The following HTR2A variants were observed in gnomAD, a reference collection of about 807,000 sequenced individuals.
The protein encoded by HTR2A is 5-hydroxytryptamine receptor 2A, also known as 5-HT2 receptor.
A neutral mutation model predicts 31.0 loss-of-function variants in HTR2A; 14 were observed. That is an observed-to-expected ratio of 0.45 (90% confidence interval 0.30 to 0.71). The LOEUF is 0.71. HTR2A is among the 30% of genes least tolerant of loss of function. The pLI, the probability that HTR2A is intolerant of heterozygous loss-of-function variation, is 0.09. For missense variants in HTR2A, 442 were observed against 573.3 expected, an observed-to-expected ratio of 0.77 and a Z score of 2.34; for synonymous variants, 209 against 225.2, an observed-to-expected ratio of 0.93 and a Z score of 0.64.
intron 3 of HTR2A, among the ~76,000 whole-genome samples, chr13:46,874,670 C>T (rs1350468219): frequency 1.3e-5 from 2 of 152,244 alleles, no homozygotes; most frequent in Non-Finnish European, 2.9e-5. Flanking sequence ...CTTGCCATCA[C>T]TGGCATCTAA....
chr13:46,882,037 C>T (rs1950968748), intron 3 of HTR2A, among the ~76,000 whole-genome samples: 1 of 151,890 alleles, frequency 6.6e-6, no homozygotes, highest in Non-Finnish European at 1.5e-5. Context: ...TCACTTCATT[C>T]CATATAGAAT....
At chr13:46,881,609 C>A (rs1175337712) in intron 3 of HTR2A, among the ~76,000 whole-genome samples, 2 of 152,236 alleles carry the variant, frequency 1.3e-5, no homozygotes, top group African/African-American at 4.8e-5. Context: ...CTGGTAGATG[C>A]TAACTTACCA....
rs61339039 is a variant in HTR2A at position 46,865,081 on chromosome 13, A to G, written c.613+27309T>C. ...GATGTTAACATTAGCTTTACTGCCT[A>G]TGGGTTAACCATTCATGTCAACACT... On this transcript the variant is annotated intron_variant, in intron 3 of 3. Transcript: ENST00000542664. Among the ~76,000 whole-genome samples, 577 of 152,278 alleles carry G rather than the reference A, an allele frequency of 3.8e-3. 3 individuals carry two copies. The highest frequency in any genetic ancestry group is 0.013 in the African/African-American group (548 of 41,560).
chr13:46,885,863 C>A (rs773271231), intron 3 of HTR2A, among the ~76,000 whole-genome samples: 10 of 152,154 alleles, frequency 6.6e-5, no homozygotes, highest in Non-Finnish European at 1.2e-4. Flanking sequence ...TTTTATTGTC[C>A]ATTTCAAGTT....
intron 3 of HTR2A, among the ~76,000 whole-genome samples, chr13:46,839,783 GGT>G (rs914208339): frequency 6.6e-6 from 1 of 152,098 alleles, no homozygotes; most frequent in Non-Finnish European, 1.5e-5. Flanking sequence ...AGCTTTGGTT[GGT>G]GTCTTTCTTT....
intron 3 of HTR2A, among the ~76,000 whole-genome samples, chr13:46,879,697 T>C (rs1043554960): frequency 1.5e-4 from 23 of 152,250 alleles, no homozygotes; most frequent in Admixed American, 7.8e-4. Flanking sequence ...AAAAAGGACC[T>C]AAACAGAAAA....
chr13:46,875,238 T>C (rs369136110), intron 3 of HTR2A, among the ~76,000 whole-genome samples: 1 of 152,236 alleles, frequency 6.6e-6, no homozygotes, highest in Non-Finnish European at 1.5e-5. Flanking sequence ...GTTGTTCATC[T>C]GGGATTTTAA....
chr13:46,890,902 GA>G (rs1414775360), intron 3 of HTR2A, among the ~76,000 whole-genome samples: 3 of 152,102 alleles, frequency 2.0e-5, no homozygotes, highest in Non-Finnish European at 4.4e-5. Context: ...AATTAAATCA[GA>G]ATGTTCCCAG....
At chr13:46,858,766 G>GGGA (rs1950758116) in intron 3 of HTR2A, among the ~76,000 whole-genome samples, 1 of 152,178 alleles carries the variant, frequency 6.6e-6, no homozygotes, top group African/African-American at 2.4e-5. Flanking sequence ...GACTAAATGT[G>GGGA]GGAGGTGAGG....
chr13:46,834,929 C>A lies in HTR2A; in HGVS notation c.1324G>T (p.Asp442Tyr). The change falls in exon 4 of 4, where the codon GAC becomes TAC. Residue 442 changes from aspartate to tyrosine, a missense_variant. This residue lies in a region of HTR2A where 88 missense variants were observed against 83.1 expected (regional missense o/e 1.06). Coordinates refer to ENST00000542664, the MANE Select transcript of HTR2A (RefSeq NM_000621.5). Reference sequence around the variant, plus strand: ...TTTCCTAGAGCAACCATTGAGCAGTCATTATCTGTTGTCTTGGCATCTTGC... The same window carrying A: ...TTTCCTAGAGCAACCATTGAGCAGTAATTATCTGTTGTCTTGGCATCTTGC... ...SKQDAKTTDN[D>Y]CSMVALGKQH... The A allele has an allele frequency of 6.2e-7, 1 of 1,614,080 alleles. No individual in the cohort carries two copies. The highest frequency in any genetic ancestry group is 8.5e-7 in the Non-Finnish European group (1 of 1,179,962).
At chr13:46,884,993 C>A (rs1370464819) in intron 3 of HTR2A, among the ~76,000 whole-genome samples, 1 of 152,148 alleles carries the variant, frequency 6.6e-6, no homozygotes, top group African/African-American at 2.4e-5. Context: ...GAGGGCCATA[C>A]ATTCCAAGAC....
intron 3 of HTR2A, among the ~76,000 whole-genome samples, chr13:46,885,034 A>G (rs1950995727): frequency 6.6e-6 from 1 of 152,208 alleles, no homozygotes; most frequent in Non-Finnish European, 1.5e-5. Flanking sequence ...CAAGGATACT[A>G]AACTTGATAT....
intron 3 of HTR2A, among the ~76,000 whole-genome samples, chr13:46,853,164 T>A (rs756413947): frequency 3.3e-5 from 5 of 152,192 alleles, no homozygotes; most frequent in Non-Finnish European, 5.9e-5. Context: ...TAAGATGCCG[T>A]GATTAATATC....
intron 3 of HTR2A, among the ~76,000 whole-genome samples, chr13:46,863,630 G>GAAACAAAAAAA (rs1950796782): frequency 1.7e-5 from 1 of 59,254 alleles, no homozygotes; most frequent in Non-Finnish European, 2.9e-5. Context: ...CCCTCAAAAT[G>GAAACAAAAAAA]AAAAAAAAAA....
intron 3 of HTR2A, among the ~76,000 whole-genome samples, chr13:46,841,867 T>G (rs998344465): frequency 6.6e-6 from 1 of 152,142 alleles, no homozygotes; most frequent in African/African-American, 2.4e-5. Flanking sequence ...AGATTGACTT[T>G]CATCTACCAT....
At chr13:46,845,701 C>A (rs1593427617) in intron 3 of HTR2A, among the ~76,000 whole-genome samples, 1 of 148,484 alleles carries the variant, frequency 6.7e-6, no homozygotes, top group East Asian at 2.0e-4. Flanking sequence ...GAGATATAAG[C>A]AGAAAACTAG....
At chr13:46,855,657 G>A (rs1950730300) in intron 3 of HTR2A, among the ~76,000 whole-genome samples, 2 of 152,238 alleles carry the variant, frequency 1.3e-5, no homozygotes, top group African/African-American at 4.8e-5. Context: ...AGGTGGGATG[G>A]CCAGCAGGGC....
chr13:46,898,041 C>T (rs911075851), upstream of HTR2A, among the ~76,000 whole-genome samples: 13 of 152,154 alleles, frequency 8.5e-5, no homozygotes, highest in Admixed American at 6.5e-5. Flanking sequence ...GATCCCACTT[C>T]GTCTCCGGTG....
In HTR2A at chr13:46,832,511, A is replaced by T. The variant is rs1297361399; in HGVS notation, c.*2326T>A. 6.6e-6 allele frequency: 1 copy of T among 152,228 alleles called. No individual in the cohort carries two copies. The highest frequency in any genetic ancestry group is 1.5e-5 in the Non-Finnish European group (1 of 68,010). 9.4% of individuals were successfully genotyped at this position (152,228 alleles called of 1,614,324 possible). The stretch of plus-strand genomic sequence containing the variant: ...TTAATGTACATTCTGATCAAGATTG[A>T]GTATATGGGGGTAGAATCTGTAATC... On this transcript the variant is annotated 3_prime_UTR_variant, in exon 4 of 4. Coordinates refer to ENST00000542664, the MANE Select transcript of HTR2A (RefSeq NM_000621.5).
Sources: allele counts gnomAD v4.1 joint callset (sites outside exome capture counted in the v4.1 genomes callset), GRCh38; gene constraint gnomAD v4.1.1; regional missense constraint gnomAD v4.1.1; transcripts MANE v1.5; gene names NCBI Gene and HGNC (gene_info 2026-07-23, HGNC 2026-07-21).